The following PPFIA3 variants were observed in gnomAD, a reference collection of about 807,000 sequenced individuals.
PPFIA3 encodes PPFI scaffold protein A3, also known as liprin-alpha-3.
A neutral mutation model predicts 145.8 loss-of-function variants in PPFIA3; 26 were observed. The observed-to-expected ratio is 0.18, with a 90% CI of 0.13 to 0.25. The LOEUF (loss-of-function observed/expected upper bound fraction) is 0.25, where lower values mean the gene tolerates loss of function less well. Among genes scored for constraint, PPFIA3 ranks in the 10% least tolerant of loss-of-function variants. PPFIA3 has a pLI of 1.00. For missense variants in PPFIA3, 1,008 were observed against 1,587.8 expected (o/e 0.63, Z 6.21); for synonymous variants, 645 against 661.4 (o/e 0.98, Z 0.38).
At chr19:49,119,885 G>A (rs986169194) in intron 1 of PPFIA3, among the ~76,000 whole-genome samples, 163 bp downstream of exon 1, 2 of 151,042 alleles carry the variant, frequency 1.3e-5, no homozygotes, top group Non-Finnish European at 3.0e-5. Flanking sequence ...CCCTCCCGGC[G>A]CCCAGAGTCC....
In PPFIA3 at chr19:49,128,126, C is replaced by T. The variant is rs1349186880; in HGVS notation, c.240+13C>T. On this transcript the variant is annotated intron_variant, in intron 2 of 29. Transcript: ENST00000334186. This position sits in a 1 kb window ranked among gnomAD's most constrained non-coding sequence, Gnocchi z 4.1. ...CGCGCTGCCCCAGGTCTGGGCGGGA[C>T]AGGGGCGGGGCATGAGGGGGCGGGG... is the stretch of plus-strand genomic sequence containing the variant. 3 of 1,495,068 alleles carry T rather than the reference C, an allele frequency of 2.0e-6. No individual in the cohort carries two copies. Among genetic ancestry groups the T allele is most frequent in the Non-Finnish European group, 2.7e-6 (3 of 1,126,236 alleles). 92.6% of individuals were successfully genotyped at this position (1,495,068 alleles called of 1,614,324 possible).
chr19:49,139,948 C>T lies in PPFIA3; in HGVS notation c.2241-13C>T, dbSNP rs111774000. On this transcript the variant is annotated splice_polypyrimidine_tract_variant and intron_variant, in intron 17 of 29. Coordinates refer to ENST00000334186, the MANE Select transcript of PPFIA3 (RefSeq NM_003660.4). Reference sequence around the variant, plus strand: ...CAGCAAGCATATGCTCTCATTCTCTCCTGCTTTCCCAGTGAGGGCACCCCA... The same window carrying T: ...CAGCAAGCATATGCTCTCATTCTCTTCTGCTTTCCCAGTGAGGGCACCCCA... The T allele has an allele frequency of 9.3e-6, 15 of 1,614,110 alleles. No homozygotes were observed. Among genetic ancestry groups the T allele is most frequent in the African/African-American group, 8.0e-5 (6 of 75,042 alleles).
chr19:49,122,807 C>T (rs565758050), intron 1 of PPFIA3, among the ~76,000 whole-genome samples: 5 of 146,574 alleles, frequency 3.4e-5, no homozygotes, highest in South Asian at 2.2e-4. Flanking sequence ...CTGCAAGCTC[C>T]GCCTTCTGGG....
At chr19:49,147,934 T>A in intron 23 of PPFIA3, 149 bp from the exon 24 acceptor site, 1 of 739,688 alleles carries the variant, frequency 1.4e-6, no homozygotes, top group Non-Finnish European at 2.2e-6. Context: ...CAACTCTGGA[T>A]TGGTCCATTA....
chr19:49,140,411 C>T (rs911579800), intron 18 of PPFIA3, among the ~76,000 whole-genome samples: 7 of 146,180 alleles, frequency 4.8e-5, no homozygotes, highest in South Asian at 2.2e-4. Context: ...GCAGTGGCAA[C>T]GATCTTGGCT....
In PPFIA3 at chr19:49,142,100, G is replaced by C. The variant is rs578126299; in HGVS notation, c.2529G>C (p.Val843=). Residue 843 remains valine, a synonymous_variant, in exon 20 of 30, where the codon GTG becomes GTC. Transcript: ENST00000334186. ...LPFAAWDGPT[V]VSWLELWVGM... Reference sequence around the variant, plus strand: ...TTGCTGCCTGGGACGGGCCCACCGTGGTGTCCTGGCTGGAGGTACTGGGGC... The same window carrying C: ...TTGCTGCCTGGGACGGGCCCACCGTCGTGTCCTGGCTGGAGGTACTGGGGC... 9.5e-5 allele frequency: 150 copies of C among 1,573,406 alleles called. 2 individuals are homozygous for C. In the South Asian group the frequency reaches 1.6e-3, roughly 17 times the overall value.
rs577725023 is a variant in PPFIA3 at position 49,128,579 on chromosome 19, C to A, written c.342+111C>A. 19 of 1,035,826 alleles carry A rather than the reference C, an allele frequency of 1.8e-5. No homozygotes were observed. In the East Asian group the frequency reaches 2.8e-4, roughly 16 times the overall value. The allele number at this position is 1,035,826 out of a possible 1,614,324, so 64.2% of individuals were successfully genotyped here. A position where few individuals can be genotyped will look rare whatever the true frequency, so the allele number is the denominator to read the frequency against. On this transcript the variant is annotated intron_variant, in intron 3 of 29. Coordinates refer to ENST00000334186, the MANE Select transcript of PPFIA3 (RefSeq NM_003660.4). The surrounding 1 kb of genome is among the most constrained non-coding windows in gnomAD (Gnocchi z 4.1). Reference sequence around the variant, plus strand: ...TGACCTATTTTTTTCCCCCATCTCGCCTTTCTGTCTTCTCCTCTTCCCTGC... The same window carrying A: ...TGACCTATTTTTTTCCCCCATCTCGACTTTCTGTCTTCTCCTCTTCCCTGC...
intron 1 of PPFIA3, among the ~76,000 whole-genome samples, chr19:49,122,235 C>T (rs1332416567): frequency 6.6e-6 from 1 of 151,630 alleles, no homozygotes; most frequent in Non-Finnish European, 1.5e-5. Context: ...CGCCTACCAC[C>T]ATGCCCGGCT....
intron 23 of PPFIA3, among the ~76,000 whole-genome samples, chr19:49,147,576 A>C (rs1409958363): frequency 6.6e-6 from 1 of 151,456 alleles, no homozygotes; most frequent in Non-Finnish European, 1.5e-5. Context: ...AATCCCAGCT[A>C]CTCGAAGGCT....
Position 49,127,940 on chromosome 19 carries a change from G to A in PPFIA3, c.67G>A (p.Glu23Lys). The A allele has an allele frequency of 1.3e-6, 2 of 1,594,152 alleles. No homozygotes were observed. Among genetic ancestry groups the A allele is most frequent in the Non-Finnish European group, 8.5e-7 (1 of 1,177,838 alleles). The change falls in exon 2 of 30, where the codon GAG (glutamate) becomes AAG (lysine). Residue 23 changes from glutamate to lysine, a missense_variant. Physicochemically the swap from Glu to Lys is moderately conservative, Grantham distance 56. Around this residue, in one of 11 missense-constraint regions of PPFIA3, gnomAD observed 108 missense variants for 144.3 expected, o/e 0.75. Coordinates refer to ENST00000334186, the MANE Select transcript of PPFIA3 (RefSeq NM_003660.4). Reference sequence around the variant, plus strand: ...GCGGGGCTCGGCGCTGGGCCCGGACGAGGCGGGCGGGGAGCTGGAGCGCCT... The same window carrying A: ...GCGGGGCTCGGCGCTGGGCCCGGACAAGGCGGGCGGGGAGCTGGAGCGCCT... ...GRRGSALGPD[E>K]AGGELERLMV...
intron 21 of PPFIA3, 118 bp from the exon 22 acceptor site, chr19:49,145,825 G>A: frequency 2.4e-6 from 2 of 840,252 alleles, no homozygotes; most frequent in Non-Finnish European, 4.1e-6. Context: ...GTTACTGCTT[G>A]CCCCAGAAAG....
intron 21 of PPFIA3, among the ~76,000 whole-genome samples, chr19:49,143,509 A>G (rs2041248376): frequency 6.6e-6 from 1 of 151,988 alleles, no homozygotes; most frequent in South Asian, 2.1e-4. Flanking sequence ...AGTAGCTGGG[A>G]TTACAGGCGC....
Position 49,135,805 on chromosome 19 carries a change from T to C in PPFIA3, c.1547T>C (p.Leu516Pro). The C allele has an allele frequency of 6.2e-7, 1 of 1,613,468 alleles. No individual in the cohort carries two copies. The highest frequency in any genetic ancestry group is 1.7e-4 in the Middle Eastern group (1 of 6,060). The stretch of plus-strand genomic sequence containing the variant: ...TCTCTCCCTGGCAGTGCCCTGGAGC[T>C]CCGTTACTCTCAGGCACCCACTTTA... ...SRSLPGSALE[L>P]RYSQAPTLPS... The change falls in exon 14 of 30, where the codon CTC (leucine) becomes CCC (proline). Residue 516 changes from leucine (L) to proline (P), a missense_variant. Physicochemically the swap from Leu to Pro is moderately conservative, Grantham distance 98. This residue lies in a region of PPFIA3 where 121 missense variants were observed against 138.2 expected (regional missense o/e 0.88). Coordinates refer to ENST00000334186, the MANE Select transcript of PPFIA3 (RefSeq NM_003660.4).
At chr19:49,131,954 G>T (rs2122565572) in intron 7 of PPFIA3, among the ~76,000 whole-genome samples, 1 of 149,694 alleles carries the variant, frequency 6.7e-6, no homozygotes, top group Non-Finnish European at 1.5e-5. Flanking sequence ...AGCTTGCAGT[G>T]AGCCGAGATA....
chr19:49,122,499 T>G (rs1282792384), intron 1 of PPFIA3, among the ~76,000 whole-genome samples: 1 of 152,220 alleles, frequency 6.6e-6, no homozygotes, highest in African/African-American at 2.4e-5. Context: ...AATGTTCATT[T>G]CAAGTGTGTT....
At chr19:49,137,064 T>A in intron 15 of PPFIA3, 153 bp downstream of exon 15, 2 of 673,564 alleles carry the variant, frequency 3.0e-6, no homozygotes, top group Non-Finnish European at 4.6e-6. Flanking sequence ...TGTCCAGGCA[T>A]CCCCTAGGAT....
intron 15 of PPFIA3, among the ~76,000 whole-genome samples, chr19:49,137,645 A>AAAAAAAAAAAAAAAAAAAAC (rs2041156421): frequency 6.7e-6 from 1 of 149,722 alleles, no homozygotes; most frequent in African/African-American, 2.5e-5. Flanking sequence ...AAAAAAAAAA[A>AAAAAAAAAAAAAAAAAAAAC]AAAAAAAAAA....
Position 49,148,757 on chromosome 19 carries a change from A to G in PPFIA3, c.3103A>G (p.Ile1035Val). 1.2e-6 allele frequency: 2 copies of G among 1,613,098 alleles called. No individual in the cohort carries two copies. The highest frequency in any genetic ancestry group is 1.7e-6 in the Non-Finnish European group (2 of 1,179,158). Reference sequence around the variant, plus strand: ...GAGGCGGGAAGAAAGTCAGACCCAGATCCGAGGTGAGTAGAGCCTAAGGGT... The same window carrying G: ...GAGGCGGGAAGAAAGTCAGACCCAGGTCCGAGGTGAGTAGAGCCTAAGGGT... ...ERRREESQTQ[I>V]RDVMVWSNER... The change falls in exon 25 of 30, where the codon ATC becomes GTC. Residue 1035 changes from isoleucine to valine, a missense_variant. Around this residue, in one of 11 missense-constraint regions of PPFIA3, gnomAD observed 154 missense variants for 369.2 expected, o/e 0.42. Transcript: ENST00000334186.
intron 23 of PPFIA3, among the ~76,000 whole-genome samples, chr19:49,147,579 C>T (rs902994095): frequency 5.3e-5 from 8 of 151,502 alleles, no homozygotes; most frequent in African/African-American, 7.3e-5. Context: ...CCCAGCTACT[C>T]GAAGGCTGAG....
Sources: gnomAD v4.1 joint callset for allele counts (sites outside exome capture counted in the v4.1 genomes callset) on GRCh38, gnomAD v4.1.1 for gene constraint, gnomAD v4.1.1 regional missense constraint, Gnocchi (gnomAD v3.1) non-coding constraint, MANE v1.5 for transcripts, NCBI Gene and HGNC (gene_info 2026-07-23, HGNC 2026-07-21) for gene names.